KLRG1: variants seen among roughly 807,000 people sequenced by gnomAD.
KLRG1 encodes the protein killer cell lectin like receptor G1, also known as killer cell lectin-like receptor subfamily G member 1.
Under a neutral mutation model 21.8 loss-of-function variants are expected in KLRG1, and 16 were observed. The ratio of observed to expected loss-of-function variants is 0.73; its 90% confidence interval spans 0.50 to 1.11. The LOEUF is 1.11. Among genes scored for constraint, KLRG1 ranks in the 50% most tolerant of loss-of-function variants. The probability of loss-of-function intolerance (pLI) is 0.00; values close to 1 mark genes in which losing one functional copy is unlikely to be tolerated. For missense variants in KLRG1, 173 were observed against 218.3 expected (o/e 0.79, Z 1.31); for synonymous variants, 69 against 75.9 (o/e 0.91, Z 0.47).
chr12:9,152,313 G>C, the KLRG1 span: 1 of 1,606,952 alleles, frequency 6.2e-7, no homozygotes, highest in South Asian at 1.1e-5. Context: ...CTGTGTAACT[G>C]TAGTGTCAAA....
At chr12:9,165,815 T>C in the KLRG1 span, among the ~76,000 whole-genome samples, 2 of 152,240 alleles carry the variant, frequency 1.3e-5, no homozygotes, top group African/African-American at 4.8e-5. Flanking sequence ...TGAATATTTA[T>C]AGTTCTCATG....
At chr12:9,181,451 T>C in the KLRG1 span, among the ~76,000 whole-genome samples, 60 of 152,322 alleles carry the variant, frequency 3.9e-4, no homozygotes, top group African/African-American at 1.4e-3. Context: ...AGTGATTCTA[T>C]TTAGACAGGA....
the KLRG1 span, among the ~76,000 whole-genome samples, chr12:9,125,943 C>A: frequency 1.3e-5 from 2 of 152,166 alleles, no homozygotes; most frequent in African/African-American, 4.8e-5. Context: ...CCATATTGGG[C>A]AGGCTGGTCT....
the KLRG1 span, chr12:9,152,233 G>T: frequency 7.5e-6 from 12 of 1,606,066 alleles, no homozygotes; most frequent in Middle Eastern, 3.3e-4. Flanking sequence ...TTTTACTGTT[G>T]GTTTCAGGGG....
the KLRG1 span, among the ~76,000 whole-genome samples, chr12:9,035,504 G>A: frequency 1.3e-5 from 2 of 151,600 alleles, no homozygotes; most frequent in African/African-American, 4.9e-5. Context: ...TGCAGGTGAC[G>A]GGTTGATGGG....
chr12:8,970,894 A>C (rs1946556395), intron 1 of KLRG1, among the ~76,000 whole-genome samples: 1 of 152,096 alleles, frequency 6.6e-6, no homozygotes, highest in Admixed American at 6.5e-5. Flanking sequence ...TCATTATGTT[A>C]ATATGGCAAA....
At chr12:9,095,047 C>G in the KLRG1 span, 1 of 1,595,122 alleles carries the variant, frequency 6.3e-7, no homozygotes, top group African/African-American at 1.3e-5. Context: ...TTTGGGTTTA[C>G]GAATCTTTGA....
At chr12:8,967,012 A>G (rs1441457259) in intron 1 of KLRG1, among the ~76,000 whole-genome samples, 5 of 149,500 alleles carry the variant, frequency 3.3e-5, no homozygotes, top group Admixed American at 2.7e-4. Flanking sequence ...GCCATAAAAA[A>G]TGATGAGTTC....
the KLRG1 span, among the ~76,000 whole-genome samples, chr12:9,140,243 A>G: frequency 6.6e-6 from 1 of 152,216 alleles, no homozygotes; most frequent in African/African-American, 2.4e-5. Context: ...GGGTAAGAAC[A>G]TTAGTCCTAG....
the KLRG1 span, chr12:9,079,831 G>A: frequency 5.8e-6 from 9 of 1,560,708 alleles, no homozygotes; most frequent in Non-Finnish European, 7.8e-6. Flanking sequence ...GAATGGGAGA[G>A]ATGGGAAGTC....
the KLRG1 span, chr12:9,154,693 C>G: frequency 1.9e-6 from 3 of 1,614,026 alleles, no homozygotes; most frequent in Non-Finnish European, 2.5e-6. Context: ...GAGGTCAGGT[C>G]CCCTGAGGTG....
chr12:9,147,198 C>G, the KLRG1 span, among the ~76,000 whole-genome samples: 1 of 152,198 alleles, frequency 6.6e-6, no homozygotes, highest in African/African-American at 2.4e-5. Context: ...ACACACTCTG[C>G]TGACCAGGGA....
chr12:9,201,339 CA>C, the KLRG1 span: 1 of 1,557,100 alleles, frequency 6.4e-7, no homozygotes, highest in Non-Finnish European at 8.8e-7. Flanking sequence ...CAAGGTATAT[CA>C]GTGGAATCTA....
intron 1 of KLRG1, among the ~76,000 whole-genome samples, chr12:8,972,062 A>T (rs1274752666): frequency 6.6e-6 from 1 of 152,200 alleles, no homozygotes; most frequent in Non-Finnish European, 1.5e-5. Flanking sequence ...TTGGTGTTAC[A>T]TCCAAAAACT....
the KLRG1 span, among the ~76,000 whole-genome samples, chr12:9,089,694 T>A: frequency 2.0e-5 from 3 of 152,068 alleles, no homozygotes; most frequent in East Asian, 3.9e-4. Flanking sequence ...TGAGCAGAGA[T>A]CCTGCCACTG....
chr12:9,157,663 C>T, the KLRG1 span: 1 of 1,049,478 alleles, frequency 9.5e-7, no homozygotes. Flanking sequence ...AATCCCTCAT[C>T]ATTGAACCAA....
chr12:8,957,537 T>G (rs1020829562), intron 1 of KLRG1, among the ~76,000 whole-genome samples: 2 of 151,774 alleles, frequency 1.3e-5, no homozygotes, highest in African/African-American at 4.9e-5. Context: ...TGTTTTGTTT[T>G]TTTGTTTTTT....
the KLRG1 span, among the ~76,000 whole-genome samples, chr12:9,043,319 C>T: frequency 3.3e-4 from 51 of 152,282 alleles, no homozygotes; most frequent in African/African-American, 1.2e-3. Context: ...CTCAGGTGAT[C>T]CACTTGCCTT....
the KLRG1 span, chr12:9,077,567 C>A: frequency 2.0e-6 from 3 of 1,486,002 alleles, no homozygotes; most frequent in Non-Finnish European, 2.7e-6. Context: ...TGTTCTATCC[C>A]CTCTTTTTTG....
Sources: allele counts gnomAD v4.1 joint callset (sites outside exome capture counted in the v4.1 genomes callset), GRCh38; gene constraint gnomAD v4.1.1; transcripts MANE v1.5; gene names NCBI Gene and HGNC (gene_info 2026-07-23, HGNC 2026-07-21).